KIAA0930: variants seen among roughly 807,000 people sequenced by gnomAD.
KIAA0930 encodes the protein uncharacterized protein KIAA0930.
A neutral mutation model predicts 43.9 loss-of-function variants in KIAA0930; 24 were observed. The observed-to-expected ratio is 0.55, with a 90% CI of 0.40 to 0.77. The LOEUF is 0.77. Ranked by LOEUF, KIAA0930 falls within the 30% of genes least tolerant of loss-of-function variation. The pLI, the probability that KIAA0930 is intolerant of heterozygous loss-of-function variation, is 0.00. For synonymous variants in KIAA0930, 259 were observed against 216.4 expected (o/e 1.20, Z -1.73); for missense variants, 461 against 574.2 (o/e 0.80, Z 2.02).
At position 45,196,984 on chromosome 22, in the gene KIAA0930, A is replaced by G. The variant is rs921856964; in HGVS notation, c.*192T>C. ...CAGGGCGGAGCAGCGCCAGCAGGGGAGGGAAGAGGCACTTCAGTTTGGGCT... is the reference window on the plus strand; with the variant it reads ...CAGGGCGGAGCAGCGCCAGCAGGGGGGGGAAGAGGCACTTCAGTTTGGGCT... On this transcript the variant is annotated 3_prime_UTR_variant, in exon 10 of 10. Transcript: ENST00000336156. The surrounding 1 kb of genome is among the most constrained non-coding windows in gnomAD (Gnocchi z 4.1). The G allele has an allele frequency of 5.5e-6, 3 of 544,364 alleles. No individual in the cohort carries two copies. Among genetic ancestry groups the G allele is most frequent in the Admixed American group, 7.1e-5 (2 of 28,072 alleles). The allele number at this position is 544,364 out of a possible 1,614,324, so 33.7% of individuals were successfully genotyped here.
Position 45,195,300 on chromosome 22 carries a change from C to T in KIAA0930, c.*1876G>A, listed in dbSNP as rs1376769916. On this transcript the variant is annotated 3_prime_UTR_variant, in exon 10 of 10. Coordinates refer to ENST00000336156, the MANE Select transcript of KIAA0930 (RefSeq NM_001009880.2). Reference sequence around the variant, plus strand: ...GGCGGGCCGCTGTGCTCCTCACAACCTGGACTGCCTCATCTTCCCACGGAC... The same window carrying T: ...GGCGGGCCGCTGTGCTCCTCACAACTTGGACTGCCTCATCTTCCCACGGAC... 2 of 152,264 alleles carry T rather than the reference C, an allele frequency of 1.3e-5. No homozygotes were observed. The highest frequency in any genetic ancestry group is 2.9e-5 in the Non-Finnish European group (2 of 68,052). The allele number at this position is 152,264 out of a possible 1,614,324, so 9.4% of individuals were successfully genotyped here.
intron 8 of KIAA0930, 32 bp downstream of exon 8, chr22:45,199,841 C>T (rs752388949): frequency 1.1e-5 from 17 of 1,512,518 alleles, no homozygotes; most frequent in Middle Eastern, 1.8e-4. Flanking sequence ...CTGAAGGGCA[C>T]GGGGACCCTA....
chr22:45,207,476 C>G (rs1272447246), intron 2 of KIAA0930: 1 of 146,048 alleles, frequency 6.8e-6, no homozygotes, highest in African/African-American at 2.7e-5. Flanking sequence ...GCGTCTGCCA[C>G]CACACGTAAT....
intron 1 of KIAA0930, among the ~76,000 whole-genome samples, chr22:45,221,556 G>A (rs2083767709): frequency 6.6e-6 from 1 of 152,134 alleles, no homozygotes; most frequent in African/African-American, 2.4e-5. Context: ...TTTGTTCAAT[G>A]CTATACATTT....
In KIAA0930 at chr22:45,205,783, C is replaced by CAA; in HGVS notation, c.336+9_336+10insTT. 2 of 1,595,984 alleles carry CAA rather than the reference C, an allele frequency of 1.3e-6. No individual in the cohort carries two copies. Among genetic ancestry groups the CAA allele is most frequent in the East Asian group, 2.2e-5 (1 of 44,558 alleles). ...GGCCAATCCGCAGCCCCACCCATCC[C>CAA]ACCCCATACCTTCTGCAGGATGAGA... is the stretch of plus-strand genomic sequence containing the variant. On this transcript the variant is annotated intron_variant, in intron 3 of 9. Transcript: ENST00000336156.
chr22:45,229,732 G>T (rs952345434), intron 1 of KIAA0930, among the ~76,000 whole-genome samples: 3 of 152,222 alleles, frequency 2.0e-5, no homozygotes, highest in Non-Finnish European at 4.4e-5. Context: ...GGGGCTCAGG[G>T]GGTCAGCTGG....
chr22:45,208,556 C>CACCGACT (rs1569075768), intron 2 of KIAA0930, among the ~76,000 whole-genome samples: 5 of 152,046 alleles, frequency 3.3e-5, no homozygotes, highest in Non-Finnish European at 7.4e-5. Flanking sequence ...CAGGCAGAAC[C>CACCGACT]CGCCCGGGAA....
At chr22:45,200,383 G>C (rs1001351924) in intron 7 of KIAA0930, among the ~76,000 whole-genome samples, 3 of 152,156 alleles carry the variant, frequency 2.0e-5, no homozygotes, top group African/African-American at 7.2e-5. Context: ...GTGAGCACTG[G>C]CCCCACACAC....
chr22:45,208,362 C>A (rs1371660636), intron 2 of KIAA0930, among the ~76,000 whole-genome samples: 1 of 146,868 alleles, frequency 6.8e-6, no homozygotes, highest in Non-Finnish European at 1.5e-5. Context: ...GAACCACCGA[C>A]TCCACATGCA....
At chr22:45,213,376 G>C (rs780397975) in intron 1 of KIAA0930, 13 of 1,303,288 alleles carry the variant, frequency 1.0e-5, no homozygotes, top group South Asian at 2.5e-5. Flanking sequence ...GGGAGGAAAA[G>C]AGAAGGAGGC....
chr22:45,205,255 A>G lies in KIAA0930; in HGVS notation c.478T>C (p.Tyr160His). 6.2e-7 allele frequency: 1 copy of G among 1,614,156 alleles called. No homozygotes were observed. The highest frequency in any genetic ancestry group is 2.2e-5 in the East Asian group (1 of 44,880). The change falls in exon 5 of 10, where the codon TAC becomes CAC. Residue 160 changes from tyrosine to histidine, a missense_variant. Transcript: ENST00000336156. ...TCAATCATGAAGAAGATGTTGGGGT[A>G]GCTGATCTTGGACTCCTCCCCCTTG... ...DSKGEESKIS[Y>H]PNIFFMIDSF...
In KIAA0930 at chr22:45,227,814, C is replaced by T. The variant is rs149865003; in HGVS notation, c.64+12826G>A. Among the ~76,000 whole-genome samples the T allele has an allele frequency of 5.3e-4, 80 of 152,318 alleles. 3 individuals are homozygous for T. The East Asian group carries it at 0.014, about 26-fold the overall frequency. On this transcript the variant is annotated intron_variant, in intron 1 of 9. Coordinates refer to ENST00000336156, the MANE Select transcript of KIAA0930 (RefSeq NM_001009880.2). The stretch of plus-strand genomic sequence containing the variant: ...GATAGAGATGACCTCATCCCTGTAC[C>T]CTAAAGCAGAAGCAGCTCCGGCTGG...
At chr22:45,217,515 T>C (rs1052872023) in intron 1 of KIAA0930, among the ~76,000 whole-genome samples, 1 of 152,170 alleles carries the variant, frequency 6.6e-6, no homozygotes, top group Admixed American at 6.5e-5. Flanking sequence ...ATCTTGTGCC[T>C]GGGACTAGAT....
chr22:45,238,620 C>T (rs1423495110), intron 1 of KIAA0930, among the ~76,000 whole-genome samples: 1 of 152,070 alleles, frequency 6.6e-6, no homozygotes, highest in Non-Finnish European at 1.5e-5. Flanking sequence ...GGCGGCTTTC[C>T]GGGCAGAGAA....
chr22:45,229,338 G>C (rs5766570), intron 1 of KIAA0930, among the ~76,000 whole-genome samples: 6,638 of 13,878 alleles, frequency 0.48, 1,416 homozygotes, highest in African/African-American at 0.57. Flanking sequence ...ACCACTCACC[G>C]GAAAGATCCC....
Position 45,197,264 on chromosome 22 carries a change from G to A in KIAA0930, c.1175-48C>T, listed in dbSNP as rs369407105. On this transcript the variant is annotated intron_variant, in intron 9 of 9. Coordinates refer to ENST00000336156, the MANE Select transcript of KIAA0930 (RefSeq NM_001009880.2). ...AGGTGAAACAGTAACCCTCAACAGCGGTGAGTGCTATGGTCACGGCAGTGC... is the reference window on the plus strand; with the variant it reads ...AGGTGAAACAGTAACCCTCAACAGCAGTGAGTGCTATGGTCACGGCAGTGC... The A allele has an allele frequency of 1.7e-4, 252 of 1,517,522 alleles. 1 individual carries two copies. Among genetic ancestry groups the A allele is most frequent in the Non-Finnish European group, 2.2e-4 (245 of 1,122,450 alleles). The allele number at this position is 1,517,522 out of a possible 1,614,324, so 94.0% of individuals were successfully genotyped here. A position where few individuals can be genotyped will look rare whatever the true frequency, so the allele number is the denominator to read the frequency against.
At position 45,202,983 on chromosome 22, in the gene KIAA0930, C is replaced by G. The variant is rs368028093; in HGVS notation, c.852+7G>C. On this transcript the variant is annotated splice_region_variant and intron_variant, in intron 7 of 9. Coordinates refer to ENST00000336156, the MANE Select transcript of KIAA0930 (RefSeq NM_001009880.2). ...GGAGCCCCCGCCCCCAGCTGTGCAG[C>G]CCTTACCCGCTCGTGCATGGGCGAA... 1 of 1,601,396 alleles carries G rather than the reference C, an allele frequency of 6.2e-7. No homozygotes were observed. Among genetic ancestry groups the G allele is most frequent in the African/African-American group, 1.3e-5 (1 of 74,860 alleles).
chr22:45,238,326 T>C (rs1298585886), intron 1 of KIAA0930, among the ~76,000 whole-genome samples: 1 of 152,214 alleles, frequency 6.6e-6, no homozygotes, highest in African/African-American at 2.4e-5. Context: ...GTTCACTAAA[T>C]GTTTACTGGG....
intron 1 of KIAA0930, among the ~76,000 whole-genome samples, chr22:45,228,108 A>T (rs2083814152): frequency 6.6e-6 from 1 of 152,194 alleles, no homozygotes; most frequent in Non-Finnish European, 1.5e-5. Flanking sequence ...GTGTGAAGTC[A>T]CAGTTCACAG....
Sources: gnomAD v4.1 joint callset for allele counts (sites outside exome capture counted in the v4.1 genomes callset) on GRCh38, gnomAD v4.1.1 for gene constraint, Gnocchi (gnomAD v3.1) non-coding constraint, MANE v1.5 for transcripts, NCBI Gene and HGNC (gene_info 2026-07-23, HGNC 2026-07-21) for gene names.